ARID3B: variants seen among roughly 807,000 people sequenced by gnomAD.
The protein encoded by ARID3B is AT-rich interaction domain 3B, also known as AT-rich interactive domain-containing protein 3B.
Under a neutral mutation model 51.9 loss-of-function variants are expected in ARID3B, and 10 were observed. That is an observed-to-expected ratio of 0.19 (90% CI 0.12 to 0.33). The LOEUF is 0.33. ARID3B is among the 10% of genes least tolerant of loss of function. ARID3B has a pLI of 1.00. For synonymous variants in ARID3B, 205 were observed against 279.5 expected (o/e 0.73, Z 2.66); for missense variants, 483 against 716.3 (o/e 0.67, Z 3.72).
chr15:74,562,381 T>TCCG (rs1258232696), intron 2 of ARID3B, among the ~76,000 whole-genome samples: 1 of 152,246 alleles, frequency 6.6e-6, no homozygotes, highest in Non-Finnish European at 1.5e-5. Flanking sequence ...CCTCAGGTGA[T>TCCG]CCGCCCACCT....
chr15:74,553,356 T>A (rs1401423527), intron 2 of ARID3B, among the ~76,000 whole-genome samples: 3 of 152,262 alleles, frequency 2.0e-5, no homozygotes, highest in Non-Finnish European at 2.9e-5. Context: ...ATTTTAGTTT[T>A]ACGTTGAACA....
chr15:74,542,993 G>T (rs1321609791), intron 1 of ARID3B, among the ~76,000 whole-genome samples: 1 of 152,166 alleles, frequency 6.6e-6, no homozygotes, highest in Non-Finnish European at 1.5e-5. Context: ...TAATAGAAAT[G>T]AATCAGAAAG....
intron 8 of ARID3B, 25 bp downstream of exon 8, chr15:74,593,261 G>A (rs2061810703): frequency 6.3e-7 from 1 of 1,598,434 alleles, no homozygotes; most frequent in Non-Finnish European, 8.5e-7. Context: ...CTCTGGGGGA[G>A]GCCCACGTGG....
intron 5 of ARID3B, 30 bp downstream of exon 5, chr15:74,590,033 C>T (rs1437602194): frequency 4.5e-6 from 7 of 1,564,010 alleles, no homozygotes; most frequent in Non-Finnish European, 6.1e-6. Context: ...GAGAAGGAAG[C>T]TGAGGCTGGA....
intron 2 of ARID3B, among the ~76,000 whole-genome samples, chr15:74,554,182 A>G (rs1410656458): frequency 2.7e-5 from 4 of 150,550 alleles, no homozygotes. Flanking sequence ...AATTTTTTGT[A>G]TTTTTAGTAG....
intron 4 of ARID3B, among the ~76,000 whole-genome samples, chr15:74,582,165 A>G (rs899913254): frequency 1.3e-5 from 2 of 150,892 alleles, no homozygotes; most frequent in Non-Finnish European, 2.9e-5. Flanking sequence ...TGTCATAGCC[A>G]TAATCTTTTT....
At chr15:74,574,778 G>GT (rs2061731367) in intron 4 of ARID3B, 1 of 152,188 alleles carries the variant, frequency 6.6e-6, no homozygotes, top group South Asian at 2.1e-4. Flanking sequence ...GCCAAGGTGG[G>GT]TGGATCAGGA....
At chr15:74,572,103 C>G (rs1446406650) in intron 2 of ARID3B, among the ~76,000 whole-genome samples, 1 of 151,592 alleles carries the variant, frequency 6.6e-6, no homozygotes. Context: ...GAGCGAAACT[C>G]CATCTCAGAA....
chr15:74,556,593 T>C (rs924076661), intron 2 of ARID3B, among the ~76,000 whole-genome samples: 1 of 152,194 alleles, frequency 6.6e-6, no homozygotes, highest in East Asian at 1.9e-4. Context: ...TTTACCAGTT[T>C]ATAGTGGCCA....
intron 2 of ARID3B, among the ~76,000 whole-genome samples, chr15:74,559,104 G>A (rs965106325): frequency 2.6e-5 from 4 of 152,152 alleles, no homozygotes; most frequent in African/African-American, 9.7e-5. Flanking sequence ...GCATGCAGGG[G>A]CCTACAGCCT....
At chr15:74,548,650 CAT>C (rs1318980951) in intron 2 of ARID3B, among the ~76,000 whole-genome samples, 1 of 152,218 alleles carries the variant, frequency 6.6e-6, no homozygotes. Flanking sequence ...TTGCTAATCA[CAT>C]GTGTTAACAA....
chr15:74,547,699 C>T (rs982947570), intron 2 of ARID3B, among the ~76,000 whole-genome samples: 1 of 152,168 alleles, frequency 6.6e-6, no homozygotes, highest in East Asian at 1.9e-4. Flanking sequence ...CTACTGGAGC[C>T]CAGCCACCCA....
intron 4 of ARID3B, among the ~76,000 whole-genome samples, chr15:74,582,931 C>CTGT (rs2061767183): frequency 6.6e-6 from 1 of 151,808 alleles, no homozygotes; most frequent in African/African-American, 2.4e-5. Flanking sequence ...CGGTGGCTCA[C>CTGT]ACCTGTAATC....
At chr15:74,549,678 C>T (rs2061629290) in intron 2 of ARID3B, among the ~76,000 whole-genome samples, 1 of 152,138 alleles carries the variant, frequency 6.6e-6, no homozygotes, top group South Asian at 2.1e-4. Flanking sequence ...CGTAGGCTTT[C>T]CTCATGTTCT....
intron 2 of ARID3B, among the ~76,000 whole-genome samples, chr15:74,557,506 A>G (rs950782351): frequency 3.9e-5 from 6 of 152,018 alleles, no homozygotes; most frequent in Non-Finnish European, 7.4e-5. Context: ...TAGATTCTAC[A>G]TTGACCATTA....
At chr15:74,564,099 A>C (rs2061689370) in intron 2 of ARID3B, among the ~76,000 whole-genome samples, 1 of 152,216 alleles carries the variant, frequency 6.6e-6, no homozygotes, top group Admixed American at 6.5e-5. Flanking sequence ...GAAGGTGTGC[A>C]TCTGATAATT....
chr15:74,564,259 A>T (rs1455143744), intron 2 of ARID3B, among the ~76,000 whole-genome samples: 2 of 152,174 alleles, frequency 1.3e-5, no homozygotes, highest in African/African-American at 2.4e-5. Flanking sequence ...TTCTCCTGTA[A>T]TCCTGCCCAT....
chr15:74,567,020 T>G (rs1441595926), intron 2 of ARID3B, among the ~76,000 whole-genome samples: 1 of 152,190 alleles, frequency 6.6e-6, no homozygotes, highest in Non-Finnish European at 1.5e-5. Flanking sequence ...CTGTTATTTT[T>G]TTTTTCAACA....
chr15:74,543,739 G>T, intron 1 of ARID3B, 121 bp from the exon 2 acceptor site: 1 of 629,614 alleles, frequency 1.6e-6, no homozygotes, highest in Non-Finnish European at 2.7e-6. Context: ...TCAGGTTTAG[G>T]AGCATATGTT....
Sources: allele counts gnomAD v4.1 joint callset (sites outside exome capture counted in the v4.1 genomes callset), GRCh38; gene constraint gnomAD v4.1.1; transcripts MANE v1.5; gene names NCBI Gene and HGNC (gene_info 2026-07-23, HGNC 2026-07-21).